Variants in EDAR observed in about 807,000 individuals in gnomAD.
EDAR encodes the protein tumor necrosis factor receptor superfamily member EDAR.
A neutral mutation model predicts 51.3 loss-of-function variants in EDAR; 38 were observed. That is an observed-to-expected ratio of 0.74 (90% CI 0.57 to 0.97). EDAR has a LOEUF of 0.97. EDAR is among the 50% of genes least tolerant of loss of function. The pLI is 0.00. For synonymous variants in EDAR, 227 were observed against 242.1 expected (o/e 0.94, Z 0.58); for missense variants, 528 against 595.0 (o/e 0.89, Z 1.17).
chr2:108,904,287 TA>T (rs1696762138), intron 11 of EDAR, among the ~76,000 whole-genome samples: 1 of 152,080 alleles, frequency 6.6e-6, no homozygotes, highest in Non-Finnish European at 1.5e-5. Flanking sequence ...TCAGAATAGC[TA>T]AAACAAAACA....
chr2:108,910,791 T>G lies in EDAR; in HGVS notation c.715A>C (p.Lys239Gln). The change falls in exon 8 of 12, where the codon AAG becomes CAG. Residue 239 changes from lysine to glutamine, a missense_variant. Transcript: ENST00000258443. ...GTTCACAGACCTGGGGCCTCTTTCT[T>G]CTCCTCGTCCTTGCTCACTTGGGCC... is the stretch of plus-strand genomic sequence containing the variant. The part of the protein sequence containing the change: ...VEAQVSKDEE[K>Q]KEAPDNVVMF... 6.2e-7 allele frequency: 1 copy of G among 1,613,114 alleles called. No individual in the cohort carries two copies. Among genetic ancestry groups the G allele is most frequent in the Non-Finnish European group, 8.5e-7 (1 of 1,179,884 alleles).
At chr2:108,976,759 T>TCA (rs1698329252) in intron 1 of EDAR, among the ~76,000 whole-genome samples, 1 of 152,212 alleles carries the variant, frequency 6.6e-6, no homozygotes, top group Non-Finnish European at 1.5e-5. Context: ...GGGAGCTCTT[T>TCA]TAGTTGGTTT....
intron 9 of EDAR, 124 bp downstream of exon 9, chr2:108,910,336 C>T (rs1013767713): frequency 1.2e-5 from 9 of 769,748 alleles, no homozygotes; most frequent in Middle Eastern, 3.5e-4. Flanking sequence ...GACTGTCTGT[C>T]GCCGAACGTC....
At chr2:108,970,464 T>C (rs1457778638) in intron 1 of EDAR, among the ~76,000 whole-genome samples, 1 of 152,148 alleles carries the variant, frequency 6.6e-6, no homozygotes, top group African/African-American at 2.4e-5. Flanking sequence ...GCCTTGGTTA[T>C]ACTGAGACAC....
intron 10 of EDAR, 114 bp from the exon 11 acceptor site, chr2:108,906,482 G>T: frequency 9.4e-7 from 1 of 1,069,184 alleles, no homozygotes; most frequent in Non-Finnish European, 1.4e-6. Flanking sequence ...CAGAGACGCT[G>T]CACACAGCCC....
At chr2:108,942,612 G>A (rs1216329856) in intron 1 of EDAR, among the ~76,000 whole-genome samples, 1 of 152,246 alleles carries the variant, frequency 6.6e-6, no homozygotes, top group Admixed American at 6.5e-5. Context: ...GAGTGAGGCC[G>A]TGAGGCGGGC....
intron 1 of EDAR, among the ~76,000 whole-genome samples, chr2:108,979,467 T>TCACACA (rs5833308): frequency 4.1e-5 from 6 of 147,222 alleles, no homozygotes; most frequent in African/African-American, 1.5e-4. Flanking sequence ...TCTCTCTCTC[T>TCACACA]CACACACACA....
intron 1 of EDAR, among the ~76,000 whole-genome samples, chr2:108,939,377 G>A (rs1243629668): frequency 6.6e-6 from 1 of 152,136 alleles, no homozygotes; most frequent in Non-Finnish European, 1.5e-5. Flanking sequence ...AGTAGAGATG[G>A]GGTTTCACCA....
chr2:108,915,530 T>C (rs1015742579), intron 5 of EDAR, among the ~76,000 whole-genome samples: 6 of 152,238 alleles, frequency 3.9e-5, no homozygotes, highest in African/African-American at 1.4e-4. Flanking sequence ...TTTTTCCTCG[T>C]GGGCCTCAAA....
At chr2:108,900,017 T>A (rs1402134111) in intron 11 of EDAR, among the ~76,000 whole-genome samples, 1 of 152,092 alleles carries the variant, frequency 6.6e-6, no homozygotes, top group African/African-American at 2.4e-5. Flanking sequence ...ACCAGTAGAC[T>A]GATAAGTTAT....
chr2:108,907,837 C>T, intron 10 of EDAR, 23 bp downstream of exon 10: 1 of 1,613,188 alleles, frequency 6.2e-7, no homozygotes, highest in Non-Finnish European at 8.5e-7. Flanking sequence ...CACAGCTCAT[C>T]ATGGCACCTG....
At chr2:108,934,617 C>T (rs1004254298) in intron 1 of EDAR, among the ~76,000 whole-genome samples, 2 of 152,146 alleles carry the variant, frequency 1.3e-5, no homozygotes, top group South Asian at 2.1e-4. Flanking sequence ...TGGCTGCATC[C>T]GGTGAGAGCC....
chr2:108,947,699 G>T (rs1004616146), intron 1 of EDAR, among the ~76,000 whole-genome samples: 24 of 152,166 alleles, frequency 1.6e-4, no homozygotes, highest in Non-Finnish European at 1.2e-4. Flanking sequence ...AGCTGGAGTG[G>T]CTGGGATGCA....
At chr2:108,911,308 C>A (rs913666532) in intron 6 of EDAR, among the ~76,000 whole-genome samples, 1 of 152,184 alleles carries the variant, frequency 6.6e-6, no homozygotes, top group East Asian at 1.9e-4. Flanking sequence ...CCAGACTTCT[C>A]TGGGGTCACC....
At chr2:108,913,774 C>A (rs1247152532) in intron 5 of EDAR, among the ~76,000 whole-genome samples, 1 of 151,946 alleles carries the variant, frequency 6.6e-6, no homozygotes, top group Non-Finnish European at 1.5e-5. Context: ...CACAGGGAAA[C>A]CCCGTCTCTA....
intron 1 of EDAR, chr2:108,940,202 C>T (rs987981491): frequency 2.0e-5 from 3 of 152,292 alleles, no homozygotes; most frequent in Admixed American, 1.3e-4. Flanking sequence ...AGATGACTGC[C>T]ATTATTACGT....
chr2:108,974,950 T>C (rs916594195), intron 1 of EDAR, among the ~76,000 whole-genome samples: 2 of 151,736 alleles, frequency 1.3e-5, no homozygotes, highest in Non-Finnish European at 2.9e-5. Context: ...GATTCAGGAG[T>C]CAGAAGGAAG....
At chr2:108,985,442 C>A (rs1175777793) in intron 1 of EDAR, among the ~76,000 whole-genome samples, 1 of 152,236 alleles carries the variant, frequency 6.6e-6, no homozygotes, top group Non-Finnish European at 1.5e-5. Flanking sequence ...AGGGCTACCG[C>A]CACAGGTGCA....
At chr2:108,928,885 A>G (rs982805459) in intron 4 of EDAR, among the ~76,000 whole-genome samples, 1 of 152,168 alleles carries the variant, frequency 6.6e-6, no homozygotes, top group African/African-American at 2.4e-5. Context: ...CTTTTTCCCA[A>G]AGTGTTTCAC....
Sources: gnomAD v4.1 joint callset for allele counts (sites outside exome capture counted in the v4.1 genomes callset) on GRCh38, gnomAD v4.1.1 for gene constraint, MANE v1.5 for transcripts, NCBI Gene and HGNC (gene_info 2026-07-23, HGNC 2026-07-21) for gene names.